SLIT2: variants seen among roughly 807,000 people sequenced by gnomAD.
The protein encoded by SLIT2 is slit homolog 2 protein.
Under a neutral mutation model 185.7 loss-of-function variants are expected in SLIT2, and 41 were observed. That is an observed-to-expected ratio of 0.22 (90% confidence interval 0.17 to 0.29). The LOEUF is 0.29. Among genes scored for constraint, SLIT2 ranks in the 10% least tolerant of loss-of-function variants. The pLI is 1.00. For missense variants in SLIT2, 1,571 were observed against 1,909.0 expected, an observed-to-expected ratio of 0.82 and a Z score of 3.30; for synonymous variants, 693 against 680.2, an observed-to-expected ratio of 1.02 and a Z score of -0.29.
intron 4 of SLIT2, among the ~76,000 whole-genome samples, chr4:20,325,213 C>T (rs1186614712): frequency 6.6e-6 from 1 of 151,956 alleles, no homozygotes; most frequent in African/African-American, 2.4e-5. Context: ...GGCTTTCAAA[C>T]TGCTCTCAAG....
intron 5 of SLIT2, 148 bp from the exon 6 acceptor site, chr4:20,480,568 T>G: frequency 1.7e-6 from 1 of 572,806 alleles, no homozygotes; most frequent in Non-Finnish European, 3.1e-6. Context: ...CGAGAATGGC[T>G]TATGACATTC....
intron 6 of SLIT2, among the ~76,000 whole-genome samples, chr4:20,483,754 C>T (rs958089912): frequency 2.6e-5 from 4 of 151,914 alleles, no homozygotes; most frequent in Non-Finnish European, 5.9e-5. Context: ...ATACTCATTA[C>T]AAAGAAAATC....
At chr4:20,281,200 A>C (rs1264161080) in intron 4 of SLIT2, among the ~76,000 whole-genome samples, 1 of 152,232 alleles carries the variant, frequency 6.6e-6, no homozygotes, top group East Asian at 1.9e-4. Flanking sequence ...GATACTTGAT[A>C]ATCTCTCAAT....
intron 4 of SLIT2, among the ~76,000 whole-genome samples, chr4:20,300,520 T>G (rs1221537791): frequency 2.0e-5 from 3 of 152,118 alleles, no homozygotes; most frequent in Non-Finnish European, 2.9e-5. Context: ...AATTCCCTAG[T>G]TAGCTACGTA....
intron 4 of SLIT2, among the ~76,000 whole-genome samples, chr4:20,417,658 A>G (rs1336646129): frequency 6.6e-6 from 1 of 151,538 alleles, no homozygotes; most frequent in African/African-American, 2.4e-5. Flanking sequence ...AGTAGCTGGG[A>G]CTATAGGCGC....
intron 4 of SLIT2, among the ~76,000 whole-genome samples, chr4:20,304,467 G>C (rs1717349167): frequency 6.6e-6 from 1 of 152,148 alleles, no homozygotes; most frequent in African/African-American, 2.4e-5. Context: ...TCATGCCCTT[G>C]TGTAGTGCCT....
At chr4:20,511,593 T>TTTTATTTTTTTA (rs1553915387) in intron 11 of SLIT2, among the ~76,000 whole-genome samples, 13 of 134,246 alleles carry the variant, frequency 9.7e-5, no homozygotes, top group Non-Finnish European at 6.3e-5. Context: ...GCTAATTTTT[T>TTTTATTTTTTTA]TTTTTTTTTT....
chr4:20,547,103 A>C (rs1198550477), intron 22 of SLIT2, among the ~76,000 whole-genome samples: 2 of 152,138 alleles, frequency 1.3e-5, no homozygotes, highest in African/African-American at 2.4e-5. Flanking sequence ...ACTTTCCTTG[A>C]AAGTATGGGT....
intron 4 of SLIT2, among the ~76,000 whole-genome samples, chr4:20,306,252 T>C (rs1013339465): frequency 3.3e-5 from 5 of 152,032 alleles, no homozygotes; most frequent in African/African-American, 1.2e-4. Context: ...TCTGAAGAAA[T>C]GTTTTAGTTT....
chr4:20,575,328 T>G (rs1023577543), intron 29 of SLIT2, among the ~76,000 whole-genome samples: 1 of 152,216 alleles, frequency 6.6e-6, no homozygotes, highest in Non-Finnish European at 1.5e-5. Context: ...ATTCAAAACT[T>G]AATTGGAAAT....
At chr4:20,323,075 C>A (rs541308757) in intron 4 of SLIT2, among the ~76,000 whole-genome samples, 8 of 152,074 alleles carry the variant, frequency 5.3e-5, no homozygotes, top group African/African-American at 1.9e-4. Flanking sequence ...GAACTAAAAC[C>A]GGTCATGTTT....
chr4:20,500,927 G>T (rs758683342), intron 9 of SLIT2, among the ~76,000 whole-genome samples: 2 of 151,996 alleles, frequency 1.3e-5, no homozygotes, highest in Non-Finnish European at 2.9e-5. Context: ...GCCTAGAAAT[G>T]TCATTAAATA....
intron 4 of SLIT2, among the ~76,000 whole-genome samples, chr4:20,354,673 A>G (rs1722156596): frequency 6.6e-6 from 1 of 152,140 alleles, no homozygotes; most frequent in South Asian, 2.1e-4. Context: ...CATGCTATAA[A>G]TGTCTTTACT....
intron 4 of SLIT2, among the ~76,000 whole-genome samples, chr4:20,295,445 T>C (rs1238108623): frequency 6.6e-6 from 1 of 152,192 alleles, no homozygotes; most frequent in African/African-American, 2.4e-5. Flanking sequence ...TAACAACTCC[T>C]AATTTGGTCA....
At chr4:20,399,470 C>T (rs74571208) in intron 4 of SLIT2, among the ~76,000 whole-genome samples, 7,742 of 151,692 alleles carry the variant, frequency 0.051, 589 homozygotes, top group African/African-American at 0.16. Flanking sequence ...GTAACTACTT[C>T]ATAGGTATTT....
At chr4:20,598,117 A>C in intron 32 of SLIT2, 148 bp from the exon 33 acceptor site, 1 of 647,012 alleles carries the variant, frequency 1.5e-6, no homozygotes. Context: ...GTCACCTTTC[A>C]AGGAATAATT....
intron 4 of SLIT2, among the ~76,000 whole-genome samples, chr4:20,320,672 T>C (rs1370931014): frequency 6.6e-6 from 1 of 152,118 alleles, no homozygotes; most frequent in Non-Finnish European, 1.5e-5. Context: ...TGGACAGTTT[T>C]AAGCTCCTTT....
intron 16 of SLIT2, 24 bp downstream of exon 16, chr4:20,529,123 T>C: frequency 6.4e-7 from 1 of 1,560,986 alleles, no homozygotes; most frequent in South Asian, 1.2e-5. Context: ...CCAACAAAAT[T>C]CTGGTTGGGA....
chr4:20,489,319 A>G (rs1291632995), intron 8 of SLIT2, among the ~76,000 whole-genome samples: 2 of 152,006 alleles, frequency 1.3e-5, no homozygotes, highest in Non-Finnish European at 2.9e-5. Flanking sequence ...TTAACAATTG[A>G]AAAAAAATGA....
Sources: gnomAD v4.1 joint callset for allele counts (sites outside exome capture counted in the v4.1 genomes callset) on GRCh38, gnomAD v4.1.1 for gene constraint, MANE v1.5 for transcripts, NCBI Gene and HGNC (gene_info 2026-07-23, HGNC 2026-07-21) for gene names.